The following OCA2 variants were observed in gnomAD, a reference collection of about 807,000 sequenced individuals.
OCA2 encodes the protein P protein.
OCA2 carries 77 observed loss-of-function variants against 100.2 expected under a neutral mutation model. That is an observed-to-expected ratio of 0.77 (90% CI 0.64 to 0.93). OCA2 has a LOEUF of 0.93. Among genes scored for constraint, OCA2 ranks in the 40% least tolerant of loss-of-function variants. The pLI is 0.00. For missense variants in OCA2, 1,062 were observed against 1,089.1 expected, an observed-to-expected ratio of 0.98 and a Z score of 0.35; for synonymous variants, 432 against 439.2, an observed-to-expected ratio of 0.98 and a Z score of 0.21.
chr15:27,752,208 T>C (rs1489630495), downstream of OCA2, among the ~76,000 whole-genome samples: 1 of 152,216 alleles, frequency 6.6e-6, no homozygotes, highest in Non-Finnish European at 1.5e-5. Context: ...ATTCAGACAG[T>C]AAAAGTGTGT....
At chr15:28,023,517 C>T (rs1231707146) in intron 5 of OCA2, among the ~76,000 whole-genome samples, 1 of 152,172 alleles carries the variant, frequency 6.6e-6, no homozygotes, top group African/African-American at 2.4e-5. Context: ...AACAGCCACA[C>T]ATCTCATGCA....
chr15:27,905,910 T>A (rs1026138963), intron 19 of OCA2, among the ~76,000 whole-genome samples: 1 of 152,166 alleles, frequency 6.6e-6, no homozygotes, highest in Non-Finnish European at 1.5e-5. Flanking sequence ...GAATTCGCCA[T>A]GCCCACGCCT....
chr15:27,836,819 T>G (rs904340483), intron 23 of OCA2, among the ~76,000 whole-genome samples: 2 of 152,258 alleles, frequency 1.3e-5, no homozygotes, highest in African/African-American at 4.8e-5. Flanking sequence ...TACAGTATTT[T>G]CTAGATGGTT....
At position 27,905,378 on chromosome 15, in the gene OCA2, ACC is replaced by A. The variant is rs144824731; in HGVS notation, c.2079+20747_2079+20748del. ...AAGAGAAAAGTGAAAATACCACCAA[ACC>A]CCCAGCCTGCTCTCTCTCTCACTGC... On this transcript the variant is annotated intron_variant, in intron 19 of 23. Transcript: ENST00000354638. Among the ~76,000 whole-genome samples the A allele has an allele frequency of 5.3e-3, 805 of 152,276 alleles. 4 individuals carry two copies. The highest frequency in any genetic ancestry group is 0.019 in the African/African-American group (776 of 41,560).
chr15:27,767,855 A>G (rs991232541), intron 23 of OCA2, among the ~76,000 whole-genome samples: 1 of 152,020 alleles, frequency 6.6e-6, no homozygotes, highest in Non-Finnish European at 1.5e-5. Context: ...TTGTTCTTTC[A>G]CTCTTCACAC....
intron 1 of OCA2, among the ~76,000 whole-genome samples, chr15:28,090,468 A>T (rs937290315): frequency 6.6e-6 from 1 of 152,188 alleles, no homozygotes; most frequent in Non-Finnish European, 1.5e-5. Flanking sequence ...AACCTCAACA[A>T]ATTTAAAAGA....
At chr15:27,938,950 C>T (rs372440993) in intron 18 of OCA2, among the ~76,000 whole-genome samples, 5 of 152,258 alleles carry the variant, frequency 3.3e-5, no homozygotes, top group Non-Finnish European at 5.9e-5. Context: ...GGACCTGTGA[C>T]GGCTATGCTA....
At position 27,989,566 on chromosome 15, in the gene OCA2, G is replaced by A. The variant is rs374211481; in HGVS notation, c.1182+35C>T. ...CAGAGAAGGCCCGGTTACCGCAGGC[G>A]TGGAGCCCAGTCCCACGGGGAGAGC... On this transcript the variant is annotated intron_variant, in intron 11 of 23. Coordinates refer to ENST00000354638, the MANE Select transcript of OCA2 (RefSeq NM_000275.3). 1.2e-3 allele frequency: 1,965 copies of A among 1,593,142 alleles called. 2 individuals carry two copies. The highest frequency in any genetic ancestry group is 1.6e-3 in the Non-Finnish European group (1,831 of 1,161,342).
chr15:27,985,331 G>C lies in OCA2; in HGVS notation c.1240-143C>G, dbSNP rs926375860. 17 of 973,606 alleles carry C rather than the reference G, an allele frequency of 1.7e-5. No individual in the cohort carries two copies. The South Asian group carries it at 1.8e-4, about 10-fold the overall frequency. The allele number at this position is 973,606 out of a possible 1,614,324, so 60.3% of individuals were successfully genotyped here. ...AAGACATAGACCCACGGAGTCCTAGGGGGGCCGAGATGAGACAGTGCTGGC... is the reference window on the plus strand; with the variant it reads ...AAGACATAGACCCACGGAGTCCTAGCGGGGCCGAGATGAGACAGTGCTGGC... On this transcript the variant is annotated intron_variant, in intron 12 of 23. Transcript: ENST00000354638.
chr15:27,911,796 C>G (rs2038407920), intron 19 of OCA2, among the ~76,000 whole-genome samples: 1 of 152,054 alleles, frequency 6.6e-6, no homozygotes, highest in South Asian at 2.1e-4. Flanking sequence ...GACAAGTATC[C>G]AAATCACAGC....
chr15:27,988,634 A>G (rs533891074), intron 11 of OCA2, among the ~76,000 whole-genome samples: 1 of 152,340 alleles, frequency 6.6e-6, no homozygotes, highest in East Asian at 1.9e-4. Flanking sequence ...TATATTATTT[A>G]AGCCACACGG....
chr15:27,935,854 A>G (rs1265483984), intron 18 of OCA2, among the ~76,000 whole-genome samples: 1 of 152,196 alleles, frequency 6.6e-6, no homozygotes, highest in African/African-American at 2.4e-5. Flanking sequence ...CTTGCCCTGG[A>G]CATTGTGTAA....
intron 9 of OCA2, among the ~76,000 whole-genome samples, chr15:28,003,909 G>A (rs1295606553): frequency 1.3e-5 from 2 of 152,236 alleles, no homozygotes; most frequent in East Asian, 1.9e-4. Context: ...CCCCGAGCGG[G>A]GAAAGGTGAC....
At chr15:28,051,622 T>A (rs571991870) in intron 2 of OCA2, among the ~76,000 whole-genome samples, 2 of 127,542 alleles carry the variant, frequency 1.6e-5, no homozygotes, top group Non-Finnish European at 3.1e-5. Flanking sequence ...TTTTTTTTTT[T>A]AATAGACACA....
chr15:27,846,747 C>A (rs1445469532), intron 22 of OCA2, among the ~76,000 whole-genome samples: 1 of 151,990 alleles, frequency 6.6e-6, no homozygotes, highest in Non-Finnish European at 1.5e-5. Flanking sequence ...TGGTCCTGAG[C>A]ACTCTGGACT....
chr15:28,031,970 G>T, intron 3 of OCA2, 95 bp downstream of exon 3: 1 of 880,306 alleles, frequency 1.1e-6, no homozygotes. Context: ...GGTTAAACAT[G>T]TCCAATAAAA....
intron 2 of OCA2, among the ~76,000 whole-genome samples, chr15:28,079,288 A>G (rs142021734): frequency 7.9e-5 from 11 of 140,020 alleles, no homozygotes; most frequent in Admixed American, 1.4e-4. Flanking sequence ...CTTTTCTCTG[A>G]TAAGATTACT....
chr15:28,000,088 C>T (rs2041880702), intron 9 of OCA2, among the ~76,000 whole-genome samples: 1 of 152,134 alleles, frequency 6.6e-6, no homozygotes, highest in African/African-American at 2.4e-5. Flanking sequence ...ATTCCAATGG[C>T]ATTTTTCATA....
At chr15:27,832,627 T>C (rs956502427) in intron 23 of OCA2, among the ~76,000 whole-genome samples, 2 of 152,202 alleles carry the variant, frequency 1.3e-5, no homozygotes, top group African/African-American at 4.8e-5. Flanking sequence ...GGATGGCTTA[T>C]GGGGTCTACG....
Sources: allele counts gnomAD v4.1 joint callset (sites outside exome capture counted in the v4.1 genomes callset), GRCh38; gene constraint gnomAD v4.1.1; transcripts MANE v1.5; gene names NCBI Gene and HGNC (gene_info 2026-07-23, HGNC 2026-07-21).